The following CSPP1 variants were observed in gnomAD, a reference collection of about 807,000 sequenced individuals.
CSPP1 encodes the protein centrosome and spindle pole-associated protein 1.
A neutral mutation model predicts 164.4 loss-of-function variants in CSPP1; 126 were observed. The observed-to-expected ratio is 0.77, with a 90% CI of 0.66 to 0.89. CSPP1 has a LOEUF of 0.89. Among genes scored for constraint, CSPP1 ranks in the 40% least tolerant of loss-of-function variants. The pLI, the probability that CSPP1 is intolerant of heterozygous loss-of-function variation, is 0.00. For synonymous variants in CSPP1, 472 were observed against 476.7 expected, an observed-to-expected ratio of 0.99 and a Z score of 0.13; for missense variants, 1,395 against 1,449.8, an observed-to-expected ratio of 0.96 and a Z score of 0.61.
chr8:67,079,353 C>T (rs1808650230), intron 3 of CSPP1, among the ~76,000 whole-genome samples: 1 of 152,186 alleles, frequency 6.6e-6, no homozygotes, highest in African/African-American at 2.4e-5. Context: ...CTTTCTAGTG[C>T]TCCCCATCTC....
chr8:67,170,677 A>G (rs1830292088), intron 24 of CSPP1, among the ~76,000 whole-genome samples: 2 of 152,158 alleles, frequency 1.3e-5, no homozygotes, highest in Admixed American at 6.5e-5. Flanking sequence ...GAATCATTCT[A>G]TTGTAATAAG....
At chr8:67,105,659 C>T (rs1554576466) in intron 8 of CSPP1, among the ~76,000 whole-genome samples, 1 of 152,170 alleles carries the variant, frequency 6.6e-6, no homozygotes, top group Non-Finnish European at 1.5e-5. Flanking sequence ...GCTGGAATTA[C>T]AGGTGTGAGC....
chr8:67,066,616 G>A (rs571115859), intron 1 of CSPP1, among the ~76,000 whole-genome samples: 10 of 151,754 alleles, frequency 6.6e-5, no homozygotes, highest in Non-Finnish European at 1.2e-4. Context: ...TGATTTCTTC[G>A]TATCTCCGGT....
chr8:67,128,293 C>G (rs112949471), intron 15 of CSPP1, among the ~76,000 whole-genome samples: 12,583 of 152,036 alleles, frequency 0.083, 1,063 homozygotes, highest in African/African-American at 0.22. Context: ...AATCCCAGCA[C>G]TTTGGGAGGC....
intron 24 of CSPP1, among the ~76,000 whole-genome samples, chr8:67,170,789 T>G (rs1408406602): frequency 1.3e-5 from 2 of 151,976 alleles, no homozygotes; most frequent in Non-Finnish European, 2.9e-5. Context: ...AATAATTTAT[T>G]TATTTATTTA....
In CSPP1 at chr8:67,113,826, G is replaced by T. The variant is rs370123119; in HGVS notation, c.1209G>T (p.Arg403Ser). 1 of 1,587,626 alleles carries T rather than the reference G, an allele frequency of 6.3e-7. No individual in the cohort carries two copies. Among genetic ancestry groups the T allele is most frequent in the Admixed American group, 1.7e-5 (1 of 57,638 alleles). Reference protein sequence around the residue: ...NKRREKDLELRVAASGAQDPE... With the variant: ...NKRREKDLELSVAASGAQDPE... ...TTAGAGAAAAAGATTTAGAACTCAG[G>T]GTTGCAGCGTCTGGAGCACAAGACC... The change falls in exon 11 of 31, where the codon AGG becomes AGT. Residue 403 changes from arginine (R) to serine (S), a missense_variant. Arg to Ser is a moderately radical substitution (Grantham distance 110, BLOSUM62 -1). Coordinates refer to ENST00000678616, the MANE Select transcript of CSPP1 (RefSeq NM_001382391.1).
intron 4 of CSPP1, among the ~76,000 whole-genome samples, chr8:67,090,550 C>T (rs1393454995): frequency 1.3e-5 from 2 of 152,056 alleles, no homozygotes; most frequent in Admixed American, 6.5e-5. Flanking sequence ...TCCCAACCTG[C>T]TAGGATTACA....
At chr8:67,069,407 G>C (rs1269137693) in intron 1 of CSPP1, among the ~76,000 whole-genome samples, 1 of 151,986 alleles carries the variant, frequency 6.6e-6, no homozygotes, top group African/African-American at 2.4e-5. Context: ...TGTACTTTTT[G>C]TACTTTTGAT....
Position 67,128,400 on chromosome 8 carries a change from G to A in CSPP1, c.1698-3551G>A, listed in dbSNP as rs568002156. On this transcript the variant is annotated intron_variant, in intron 15 of 30. Transcript: ENST00000678616. The stretch of plus-strand genomic sequence containing the variant: ...CTAAAAATACAAAAATTAGCTGGGC[G>A]TGGTGGCACATGCCTGTAGTTCTAG... Among the ~76,000 whole-genome samples the A allele has an allele frequency of 9.9e-5, 15 of 152,142 alleles. No individual in the cohort carries two copies. The South Asian group carries it at 1.0e-3, about 11-fold the overall frequency.
chr8:67,159,921 T>C (rs866571484), intron 21 of CSPP1, among the ~76,000 whole-genome samples: 2,312 of 59,302 alleles, frequency 0.039, 124 homozygotes, highest in East Asian at 0.053. Flanking sequence ...TCTTTCTTTC[T>C]TTCCTTTCCT....
intron 29 of CSPP1, among the ~76,000 whole-genome samples, chr8:67,192,583 T>C (rs765477969): frequency 6.6e-6 from 1 of 152,180 alleles, no homozygotes; most frequent in Non-Finnish European, 1.5e-5. Flanking sequence ...GCTTTTGGTG[T>C]CTTAATTAAG....
In CSPP1 at chr8:67,095,300, G is replaced by C. The variant is rs764812441; in HGVS notation, c.491G>C (p.Ser164Thr). The change falls in exon 7 of 31, where the codon AGT (serine) becomes ACT (threonine). Residue 164 changes from serine (S) to threonine (T), a missense_variant. Coordinates refer to ENST00000678616, the MANE Select transcript of CSPP1 (RefSeq NM_001382391.1). ...TCTTTTTTAATTGAACAGCCCAAGA[G>C]TCAGAGAAATAAAAAACCTATTGGT... is the stretch of plus-strand genomic sequence containing the variant. ...RQVEKSTEPK[S>T]QRNKKPIGQV... 47 of 1,561,176 alleles carry C rather than the reference G, an allele frequency of 3.0e-5. No individual in the cohort carries two copies. Among genetic ancestry groups the C allele is most frequent in the Non-Finnish European group, 4.0e-5 (46 of 1,161,146 alleles).
chr8:67,148,280 A>T (rs1326891415), intron 17 of CSPP1, among the ~76,000 whole-genome samples: 1 of 152,178 alleles, frequency 6.6e-6, no homozygotes, highest in Non-Finnish European at 1.5e-5. Context: ...CTTCTACAGA[A>T]CAAAATTGAG....
In CSPP1 at chr8:67,193,459, T is replaced by A; in HGVS notation, c.3331-5T>A. On this transcript the variant is annotated splice_polypyrimidine_tract_variant and splice_region_variant and intron_variant, in intron 29 of 30. Coordinates refer to ENST00000678616, the MANE Select transcript of CSPP1 (RefSeq NM_001382391.1). ...ACTTTCTGAAGTTCTGTTTTCTAAC[T>A]ACAGGATAGCAGTCGTCCTAATGTA... The A allele has an allele frequency of 6.2e-7, 1 of 1,610,866 alleles. No individual in the cohort carries two copies. The highest frequency in any genetic ancestry group is 8.5e-7 in the Non-Finnish European group (1 of 1,177,900).
At chr8:67,130,114 C>G (rs1387149880) in intron 15 of CSPP1, among the ~76,000 whole-genome samples, 1 of 152,082 alleles carries the variant, frequency 6.6e-6, no homozygotes, top group East Asian at 1.9e-4. Flanking sequence ...TGTGGGAGTT[C>G]CATGGGGCTC....
At chr8:67,144,672 C>T (rs1308287484) in intron 17 of CSPP1, among the ~76,000 whole-genome samples, 1 of 152,214 alleles carries the variant, frequency 6.6e-6, no homozygotes, top group African/African-American at 2.4e-5. Flanking sequence ...GTCTCGAACT[C>T]CTGAGCTCAA....
At chr8:67,165,289 G>A (rs1829108658) in intron 24 of CSPP1, among the ~76,000 whole-genome samples, 1 of 152,204 alleles carries the variant, frequency 6.6e-6, no homozygotes, top group East Asian at 1.9e-4. Flanking sequence ...GTCTCACGAA[G>A]AAAAGTTGCA....
chr8:67,137,333 GAAA>G (rs34987713), intron 16 of CSPP1, 120 bp from the exon 17 acceptor site: 10 of 524,498 alleles, frequency 1.9e-5, no homozygotes, highest in South Asian at 1.6e-4. Context: ...GTACACTGGG[GAAA>G]AAAAAAAAAG....
chr8:67,080,253 G>A (rs1266543410), intron 3 of CSPP1, among the ~76,000 whole-genome samples: 1 of 152,204 alleles, frequency 6.6e-6, no homozygotes, highest in South Asian at 2.1e-4. Context: ...CTGTAACATC[G>A]TAGTTTGAAT....
Sources: allele counts gnomAD v4.1 joint callset (sites outside exome capture counted in the v4.1 genomes callset), GRCh38; gene constraint gnomAD v4.1.1; transcripts MANE v1.5; gene names NCBI Gene and HGNC (gene_info 2026-07-23, HGNC 2026-07-21).